USH2A: variants seen among roughly 807,000 people sequenced by gnomAD.
USH2A encodes usherin, also known as Usher syndrome 2A (autosomal recessive, mild).
USH2A carries 443 observed loss-of-function variants against 538.9 expected under a neutral mutation model. The observed-to-expected ratio is 0.82, with a 90% CI of 0.76 to 0.89. USH2A has a LOEUF of 0.89. USH2A is among the 40% of genes least tolerant of loss of function. USH2A has a pLI of 0.00. For synonymous variants in USH2A, 2,413 were observed against 2,273.5 expected, an observed-to-expected ratio of 1.06 and a Z score of -1.75; for missense variants, 6,633 against 6,324.8, an observed-to-expected ratio of 1.05 and a Z score of -1.65.
chr1:215,631,264 G>A (rs1440317884), intron 70 of USH2A, among the ~76,000 whole-genome samples: 2 of 151,948 alleles, frequency 1.3e-5, no homozygotes, highest in Admixed American at 6.6e-5. Flanking sequence ...GTGTTGCAGG[G>A]GCATAGCTCA....
intron 61 of USH2A, among the ~76,000 whole-genome samples, chr1:215,715,860 G>A (rs1659467189): frequency 6.6e-6 from 1 of 152,188 alleles, no homozygotes; most frequent in African/African-American, 2.4e-5. Context: ...AGGAAGGCAG[G>A]AGCAATTTTT....
At chr1:215,669,008 A>G (rs916643191) in intron 64 of USH2A, among the ~76,000 whole-genome samples, 12 of 152,178 alleles carry the variant, frequency 7.9e-5, no homozygotes, top group Non-Finnish European at 1.8e-4. Flanking sequence ...TCACCACTGC[A>G]CTCCAGCCTG....
intron 69 of USH2A, 152 bp downstream of exon 69, chr1:215,639,003 A>C (rs1056257857): frequency 2.7e-4 from 214 of 783,900 alleles, no homozygotes; most frequent in Middle Eastern, 3.5e-4. Context: ...CAAAAAAAAA[A>C]CAAAAAAAAA....
chr1:215,728,668 A>C (rs1659904405), intron 60 of USH2A, among the ~76,000 whole-genome samples: 1 of 152,156 alleles, frequency 6.6e-6, no homozygotes, highest in Non-Finnish European at 1.5e-5. Flanking sequence ...ACACAGAAGA[A>C]ATATAAAAAG....
In USH2A at chr1:216,289,223, A is replaced by C. The variant is rs565433898; in HGVS notation, c.1971+57T>G. ...CAATTCTACTAGTGGAATAACATCC[A>C]AATAAGTTTCTGGCAGACAGAGTAA... On this transcript the variant is annotated intron_variant, in intron 11 of 71. Coordinates refer to ENST00000307340, the MANE Select transcript of USH2A (RefSeq NM_206933.4). 5.6e-6 allele frequency: 9 copies of C among 1,611,954 alleles called. No homozygotes were observed. In the African/African-American group the frequency reaches 1.2e-4, roughly 21 times the overall value.
intron 61 of USH2A, among the ~76,000 whole-genome samples, chr1:215,711,807 A>G (rs963276218): frequency 5.3e-5 from 8 of 152,154 alleles, no homozygotes; most frequent in Non-Finnish European, 8.8e-5. Context: ...ACCACACTCT[A>G]TTTCACAAGA....
At chr1:216,011,396 G>A (rs1668565386) in intron 32 of USH2A, among the ~76,000 whole-genome samples, 1 of 152,070 alleles carries the variant, frequency 6.6e-6, no homozygotes, top group African/African-American at 2.4e-5. Flanking sequence ...CTTCAATCAA[G>A]CCCAAATTTC....
At chr1:215,913,663 C>T (rs539819349) in intron 38 of USH2A, among the ~76,000 whole-genome samples, 11 of 152,022 alleles carry the variant, frequency 7.2e-5, no homozygotes, top group Admixed American at 2.0e-4. Context: ...GTGGCTACTC[C>T]CTGGTAAATG....
At chr1:215,771,305 G>A (rs923401744) in intron 55 of USH2A, among the ~76,000 whole-genome samples, 6 of 151,802 alleles carry the variant, frequency 4.0e-5, no homozygotes, top group Non-Finnish European at 7.4e-5. Flanking sequence ...ATTCGGCCGG[G>A]CGCAGTGGCT....
intron 38 of USH2A, among the ~76,000 whole-genome samples, chr1:215,918,698 T>C (rs1191015177): frequency 1.3e-5 from 2 of 152,140 alleles, no homozygotes; most frequent in Non-Finnish European, 2.9e-5. Flanking sequence ...TTTAAACTGC[T>C]GAAAGACTTC....
intron 32 of USH2A, among the ~76,000 whole-genome samples, chr1:216,009,126 T>C (rs1053805627): frequency 6.6e-6 from 1 of 151,968 alleles, no homozygotes; most frequent in Non-Finnish European, 1.5e-5. Flanking sequence ...TGACCTCTTA[T>C]ATCTCTGTGC....
intron 55 of USH2A, among the ~76,000 whole-genome samples, chr1:215,775,224 G>A (rs756558693): frequency 3.3e-5 from 5 of 152,044 alleles, no homozygotes; most frequent in Non-Finnish European, 2.9e-5. Flanking sequence ...AATCAAACAC[G>A]GTACCATGCT....
intron 32 of USH2A, among the ~76,000 whole-genome samples, chr1:216,014,950 A>G (rs1338280380): frequency 6.6e-6 from 1 of 152,190 alleles, no homozygotes; most frequent in Non-Finnish European, 1.5e-5. Flanking sequence ...AGGAATTTAT[A>G]TCTTCTTATT....
chr1:215,970,674 G>T lies in USH2A; in HGVS notation c.6908C>A (p.Ser2303Tyr), dbSNP rs766809837. Residue 2303 changes from serine to tyrosine, a missense_variant, in exon 36 of 72, where the codon TCC (serine) becomes TAC (tyrosine). Physicochemically the swap from Ser to Tyr is moderately radical, Grantham distance 144. Transcript: ENST00000307340. ...AYGFAPWSLH[S>Y]FRVQACTAKG... ...GGCCGTGCATGCTTGGACTCTGAAG[G>T]AATGTAAACTCCAAGGAGCAAATCC... 2 of 1,613,632 alleles carry T rather than the reference G, an allele frequency of 1.2e-6. No homozygotes were observed. Among genetic ancestry groups the T allele is most frequent in the Non-Finnish European group, 1.7e-6 (2 of 1,179,740 alleles).
chr1:216,347,812 A>C (rs758900188), intron 4 of USH2A, among the ~76,000 whole-genome samples: 14 of 152,110 alleles, frequency 9.2e-5, no homozygotes, highest in Non-Finnish European at 2.1e-4. Flanking sequence ...TTTAAAAAGT[A>C]AGTTTAGAGT....
Position 215,630,524 on chromosome 1 carries a change from ATATG to A in USH2A, c.15298-1493_15298-1490del, listed in dbSNP as rs1190267304. ...TATATATATATATATATATATATAT[ATATG>A]AGAGAGAGAAAGTTGGGTTTTGCAA... On this transcript the variant is annotated intron_variant, in intron 70 of 71. Coordinates refer to ENST00000307340, the MANE Select transcript of USH2A (RefSeq NM_206933.4). Among the ~76,000 whole-genome samples, 24 of 124,436 alleles carry A rather than the reference ATATG, an allele frequency of 1.9e-4. No individual in the cohort carries two copies. In the East Asian group the frequency reaches 2.2e-3, roughly 11 times the overall value. 81.6% of individuals were successfully genotyped at this position (124,436 alleles called of 152,430 possible). A position where few individuals can be genotyped will look rare whatever the true frequency, so the allele number is the denominator to read the frequency against.
intron 47 of USH2A, among the ~76,000 whole-genome samples, chr1:215,830,825 C>A (rs574440015): frequency 1.3e-5 from 2 of 152,118 alleles, no homozygotes; most frequent in Non-Finnish European, 2.9e-5. Flanking sequence ...AAGTTTATAG[C>A]TTTGTTATGC....
intron 58 of USH2A, among the ~76,000 whole-genome samples, chr1:215,751,945 C>T (rs1444625103): frequency 6.6e-6 from 1 of 152,044 alleles, no homozygotes; most frequent in Non-Finnish European, 1.5e-5. Flanking sequence ...ATAGTGAAGC[C>T]CATTCCATGT....
At chr1:215,863,524 T>C (rs763899582) in intron 44 of USH2A, among the ~76,000 whole-genome samples, 1 of 152,204 alleles carries the variant, frequency 6.6e-6, no homozygotes, top group Non-Finnish European at 1.5e-5. Context: ...GCTTTTTCTG[T>C]GGTTTTAAAC....
Sources: gnomAD v4.1 joint callset for allele counts (sites outside exome capture counted in the v4.1 genomes callset) on GRCh38, gnomAD v4.1.1 for gene constraint, MANE v1.5 for transcripts, NCBI Gene and HGNC (gene_info 2026-07-23, HGNC 2026-07-21) for gene names.